The following MAST4 variants were observed in gnomAD, a reference collection of about 807,000 sequenced individuals.
The protein encoded by MAST4 is microtubule associated serine/threonine kinase family member 4.
MAST4 carries 89 observed loss-of-function variants against 162.7 expected under a neutral mutation model. That is an observed-to-expected ratio of 0.55 (90% CI 0.46 to 0.65). MAST4 has a LOEUF of 0.65. Ranked by LOEUF, MAST4 falls within the 30% of genes least tolerant of loss-of-function variation. The pLI, the probability that MAST4 is intolerant of heterozygous loss-of-function variation, is 0.00. For synonymous variants in MAST4, 1,479 were observed against 1,361.1 expected (o/e 1.09, Z -1.91); for missense variants, 3,153 against 3,374.0 (o/e 0.93, Z 1.62).
At chr5:67,016,665 T>C (rs1308170519) in intron 4 of MAST4, among the ~76,000 whole-genome samples, 1 of 152,222 alleles carries the variant, frequency 6.6e-6, no homozygotes, top group East Asian at 1.9e-4. Context: ...GGTATTTAAA[T>C]GGGTTTGTGC....
At chr5:67,162,882 AAGC>A (rs1369540142) in intron 28 of MAST4, 94 bp downstream of exon 28, 5 of 1,305,836 alleles carry the variant, frequency 3.8e-6, no homozygotes, top group Non-Finnish European at 5.3e-6. Context: ...AGCTGAAAGA[AAGC>A]AGGTTGAAGG....
intron 4 of MAST4, among the ~76,000 whole-genome samples, chr5:66,901,983 A>G (rs942591948): frequency 2.0e-5 from 3 of 152,186 alleles, no homozygotes; most frequent in Non-Finnish European, 4.4e-5. Flanking sequence ...GAAGAAAGGC[A>G]CAAATATATC....
chr5:66,720,362 G>A (rs539013965), intron 1 of MAST4, among the ~76,000 whole-genome samples: 28 of 151,906 alleles, frequency 1.8e-4, no homozygotes, highest in Non-Finnish European at 3.2e-4. Flanking sequence ...ATTTGATAGT[G>A]TCCCCTGTAA....
intron 7 of MAST4, among the ~76,000 whole-genome samples, chr5:67,098,630 T>C (rs1764704126): frequency 6.6e-6 from 1 of 152,182 alleles, no homozygotes; most frequent in African/African-American, 2.4e-5. Context: ...ACTAAATGCT[T>C]ACTGAATGAT....
intron 4 of MAST4, chr5:67,004,675 C>T (rs1581169270): frequency 8.2e-6 from 2 of 242,462 alleles, no homozygotes; most frequent in East Asian, 1.6e-4. Flanking sequence ...TTGAGCAGAA[C>T]GCACGGCTCA....
At chr5:66,600,996 A>G (rs1254974607) in intron 1 of MAST4, among the ~76,000 whole-genome samples, 1 of 152,212 alleles carries the variant, frequency 6.6e-6, no homozygotes, top group Non-Finnish European at 1.5e-5. Flanking sequence ...CAATAGGCTT[A>G]CAGTGATAGG....
rs11366472 is a variant in MAST4, at chr5:67,055,009, GTT to G, written c.763+529_763+530del. 1.4e-4 allele frequency among the ~76,000 whole-genome samples: 20 copies of G among 145,438 alleles called. No homozygotes were observed. The South Asian group carries it at 2.6e-3, about 19-fold the overall frequency. Reference sequence around the variant, plus strand: ...ACAATGAAAACTGCTTTATATGCTGGTTTTTTTTTTTTTCTTCAAAGTTCTAT... The same window carrying G: ...ACAATGAAAACTGCTTTATATGCTGGTTTTTTTTTTTCTTCAAAGTTCTAT... On this transcript the variant is annotated intron_variant, in intron 5 of 28. Transcript: ENST00000403625.
intron 3 of MAST4, among the ~76,000 whole-genome samples, chr5:66,881,119 T>C (rs74481566): frequency 0.014 from 2,176 of 152,360 alleles, 43 homozygotes; most frequent in African/African-American, 0.05. Context: ...CATTGTGCTA[T>C]CTTTGTAGCA....
At chr5:66,947,767 G>A (rs1744206863) in intron 4 of MAST4, among the ~76,000 whole-genome samples, 1 of 152,132 alleles carries the variant, frequency 6.6e-6, no homozygotes, top group Admixed American at 6.5e-5. Context: ...GGAAAAGTAA[G>A]TTGATTTTTT....
At position 66,638,671 on chromosome 5, in the gene MAST4, G is replaced by T. The variant is rs1745284896; in HGVS notation, c.363+41653G>T. ...TTTATGGACACTGAACTATTGGAAAGCAAAGGTATCACTCTCCCAGCCATC... is the reference window on the plus strand; with the variant it reads ...TTTATGGACACTGAACTATTGGAAATCAAAGGTATCACTCTCCCAGCCATC... On this transcript the variant is annotated intron_variant, in intron 1 of 28. Transcript: ENST00000403625. Among the ~76,000 whole-genome samples the T allele has an allele frequency of 2.0e-5, 3 of 152,266 alleles. No homozygotes were observed. The South Asian group carries it at 6.2e-4, about 32-fold the overall frequency.
chr5:66,693,718 C>G (rs16895484), intron 1 of MAST4, among the ~76,000 whole-genome samples: 19,840 of 149,570 alleles, frequency 0.13, 1,512 homozygotes, highest in East Asian at 0.27. Context: ...GAGCTAGACG[C>G]TATCAAATCT....
At chr5:67,024,238 C>A (rs1754338452) in intron 4 of MAST4, among the ~76,000 whole-genome samples, 1 of 151,250 alleles carries the variant, frequency 6.6e-6, no homozygotes, top group Admixed American at 6.6e-5. Flanking sequence ...TTGGAATTTT[C>A]TTCCTTGTTT....
intron 23 of MAST4, among the ~76,000 whole-genome samples, chr5:67,147,236 A>G (rs1169951813): frequency 6.6e-6 from 1 of 152,180 alleles, no homozygotes; most frequent in East Asian, 1.9e-4. Context: ...GAATAGAGAG[A>G]TGAGCTGATT....
chr5:67,044,571 G>A (rs755091902), intron 4 of MAST4, among the ~76,000 whole-genome samples: 69 of 152,144 alleles, frequency 4.5e-4, no homozygotes, highest in Non-Finnish European at 7.1e-4. Context: ...CTGGAATGCA[G>A]TGGAGTGATC....
At chr5:67,032,069 T>G (rs1755404723) in intron 4 of MAST4, among the ~76,000 whole-genome samples, 2 of 152,184 alleles carry the variant, frequency 1.3e-5, no homozygotes, top group Admixed American at 1.3e-4. Flanking sequence ...CATGGCTGCT[T>G]TAACTCATTT....
intron 5 of MAST4, among the ~76,000 whole-genome samples, chr5:67,058,325 T>G (rs1178200680): frequency 6.6e-6 from 1 of 152,174 alleles, no homozygotes; most frequent in Non-Finnish European, 1.5e-5. Flanking sequence ...ATCTAAGGGT[T>G]GATGTGAATT....
chr5:66,924,823 T>C (rs897234356), intron 4 of MAST4, among the ~76,000 whole-genome samples: 3 of 152,222 alleles, frequency 2.0e-5, no homozygotes, highest in African/African-American at 7.2e-5. Context: ...AAAGATAGTT[T>C]ACAAAGCAGA....
chr5:66,624,543 A>T (rs1252898472), intron 1 of MAST4, among the ~76,000 whole-genome samples: 1 of 152,132 alleles, frequency 6.6e-6, no homozygotes, highest in African/African-American at 2.4e-5. Flanking sequence ...AAAAAAACTA[A>T]CCCTAAAATG....
At chr5:66,648,628 C>T (rs1746020843) in intron 1 of MAST4, among the ~76,000 whole-genome samples, 2 of 152,056 alleles carry the variant, frequency 1.3e-5, no homozygotes, top group Admixed American at 1.3e-4. Context: ...TGCAGACTAA[C>T]AATCTCAAAA....
Sources: allele counts gnomAD v4.1 joint callset (sites outside exome capture counted in the v4.1 genomes callset), GRCh38; gene constraint gnomAD v4.1.1; transcripts MANE v1.5; gene names NCBI Gene and HGNC (gene_info 2026-07-23, HGNC 2026-07-21).